Variants in ERBB4 observed in about 807,000 individuals in gnomAD.
The protein encoded by ERBB4 is receptor tyrosine-protein kinase erbB-4.
ERBB4 carries 42 observed loss-of-function variants against 158.0 expected under a neutral mutation model. That is an observed-to-expected ratio of 0.27 (90% CI 0.21 to 0.34). The LOEUF is 0.34. Ranked by LOEUF, ERBB4 falls within the 10% of genes least tolerant of loss-of-function variation. The pLI, the probability that ERBB4 is intolerant of heterozygous loss-of-function variation, is 1.00. For synonymous variants in ERBB4, 583 were observed against 558.7 expected (o/e 1.04, Z -0.61); for missense variants, 1,333 against 1,624.1 (o/e 0.82, Z 3.08).
intron 1 of ERBB4, among the ~76,000 whole-genome samples, chr2:212,369,310 G>C (rs2090003582): frequency 6.6e-6 from 1 of 152,134 alleles, no homozygotes; most frequent in South Asian, 2.1e-4. Context: ...CCCTGTGACA[G>C]GGTTCATTGC....
chr2:211,861,350 G>GTTTTTTTTTTTTTTTTTTTTTT (rs67133944), intron 3 of ERBB4, among the ~76,000 whole-genome samples: 2 of 88,952 alleles, frequency 2.2e-5, no homozygotes, highest in Non-Finnish European at 4.2e-5. Context: ...TTTTTTTTTT[G>GTTTTTTTTTTTTTTTTTTTTTT]TTTTTTTTTT....
intron 2 of ERBB4, among the ~76,000 whole-genome samples, chr2:212,006,882 T>C (rs1305919211): frequency 6.6e-6 from 1 of 152,052 alleles, no homozygotes; most frequent in Non-Finnish European, 1.5e-5. Flanking sequence ...TCCCTTTACA[T>C]TTTAACTTCA....
intron 1 of ERBB4, among the ~76,000 whole-genome samples, chr2:212,222,643 C>T (rs972565036): frequency 5.9e-5 from 9 of 151,272 alleles, no homozygotes; most frequent in Non-Finnish European, 1.3e-4. Context: ...ATTTCCCACT[C>T]TTGCTCCTTT....
chr2:212,392,533 T>A (rs1434945325), intron 1 of ERBB4, among the ~76,000 whole-genome samples: 2 of 152,050 alleles, frequency 1.3e-5, no homozygotes, highest in Non-Finnish European at 2.9e-5. Flanking sequence ...TTCTGCTAGG[T>A]AACAAAGATA....
intron 20 of ERBB4, among the ~76,000 whole-genome samples, chr2:211,506,141 A>T (rs62178827): frequency 0.096 from 14,577 of 152,074 alleles, 834 homozygotes; most frequent in Middle Eastern, 0.16. Context: ...CCATTCTTAG[A>T]CTTTAAATCA....
intron 1 of ERBB4, among the ~76,000 whole-genome samples, chr2:212,337,985 C>T (rs73070305): frequency 0.02 from 2,970 of 152,128 alleles, 104 homozygotes; most frequent in African/African-American, 0.068. Flanking sequence ...ATATTGAATG[C>T]CATTAGTAAC....
chr2:212,044,729 C>T (rs998065291), intron 2 of ERBB4, among the ~76,000 whole-genome samples: 5 of 152,146 alleles, frequency 3.3e-5, no homozygotes, highest in African/African-American at 1.2e-4. Context: ...GATCTTACTC[C>T]CATACCTCCT....
intron 1 of ERBB4, among the ~76,000 whole-genome samples, chr2:212,454,009 C>G (rs1688142326): frequency 6.6e-6 from 1 of 151,582 alleles, no homozygotes; most frequent in African/African-American, 2.4e-5. Context: ...GGTGCGATCT[C>G]AGCTCACTGC....
At chr2:211,886,542 T>C (rs1324424293) in intron 3 of ERBB4, among the ~76,000 whole-genome samples, 1 of 152,074 alleles carries the variant, frequency 6.6e-6, no homozygotes, top group Non-Finnish European at 1.5e-5. Context: ...CCACTGACTA[T>C]ATAAAGAGGC....
intron 1 of ERBB4, among the ~76,000 whole-genome samples, chr2:212,242,246 A>G (rs1048497928): frequency 5.3e-5 from 8 of 151,710 alleles, no homozygotes; most frequent in Non-Finnish European, 1.2e-4. Flanking sequence ...TTAATATTTA[A>G]AAGACATAGA....
At chr2:211,775,990 A>G (rs2075865209) in intron 4 of ERBB4, among the ~76,000 whole-genome samples, 1 of 152,206 alleles carries the variant, frequency 6.6e-6, no homozygotes, top group South Asian at 2.1e-4. Context: ...TCTATTATAG[A>G]ACAGGCTCCT....
In ERBB4 at chr2:211,571,461, G is replaced by A. The variant is rs75370231; in HGVS notation, c.2302-9373C>T. Reference sequence around the variant, plus strand: ...AAAAAATAAAATCCATTATCTTCACGTCCAAAGTATCTGTGCCCTTCCAAA... The same window carrying A: ...AAAAAATAAAATCCATTATCTTCACATCCAAAGTATCTGTGCCCTTCCAAA... On this transcript the variant is annotated intron_variant, in intron 19 of 27. Coordinates refer to ENST00000342788, the MANE Select transcript of ERBB4 (RefSeq NM_005235.3). 6.3e-3 allele frequency among the ~76,000 whole-genome samples: 963 copies of A among 152,090 alleles called. 17 individuals are homozygous for A. Among genetic ancestry groups the A allele is most frequent in the East Asian group, 0.045 (234 of 5,174 alleles).
intron 20 of ERBB4, among the ~76,000 whole-genome samples, chr2:211,464,945 G>A (rs1169402246): frequency 6.7e-6 from 1 of 148,968 alleles, no homozygotes; most frequent in Non-Finnish European, 1.5e-5. Flanking sequence ...GATAATAAGA[G>A]GCCCACTGGA....
intron 1 of ERBB4, among the ~76,000 whole-genome samples, chr2:212,483,024 C>A (rs1455543758): frequency 6.6e-6 from 1 of 152,026 alleles, no homozygotes; most frequent in Non-Finnish European, 1.5e-5. Context: ...CCATATAGTT[C>A]TGCCTTGTGA....
chr2:211,839,155 G>A (rs1427152894), intron 3 of ERBB4, among the ~76,000 whole-genome samples: 2 of 11,792 alleles, frequency 1.7e-4, no homozygotes, highest in Admixed American at 1.8e-3. Flanking sequence ...GAGAGAGAAG[G>A]AGGAGGAGGA....
intron 25 of ERBB4, among the ~76,000 whole-genome samples, 166 bp downstream of exon 25, chr2:211,420,275 T>C (rs1021017255): frequency 6.6e-6 from 1 of 152,044 alleles, no homozygotes; most frequent in Non-Finnish European, 1.5e-5. Context: ...CAAAATTAAC[T>C]ACATATAGCA....
At chr2:212,444,477 G>A (rs912945004) in intron 1 of ERBB4, among the ~76,000 whole-genome samples, 1 of 152,186 alleles carries the variant, frequency 6.6e-6, no homozygotes, top group Non-Finnish European at 1.5e-5. Context: ...TGGGGAAGAG[G>A]TATGTGGGTG....
chr2:212,342,600 C>T (rs1055494041), intron 1 of ERBB4, among the ~76,000 whole-genome samples: 2 of 152,034 alleles, frequency 1.3e-5, no homozygotes, highest in Non-Finnish European at 2.9e-5. Context: ...GAATTTTTAG[C>T]CTCACATTCA....
At chr2:212,386,049 T>A (rs557773753) in intron 1 of ERBB4, among the ~76,000 whole-genome samples, 1 of 152,060 alleles carries the variant, frequency 6.6e-6, no homozygotes, top group South Asian at 2.1e-4. Context: ...TCTCTCTGTG[T>A]CTTCCTCTCC....
Sources: gnomAD v4.1 joint callset for allele counts (sites outside exome capture counted in the v4.1 genomes callset) on GRCh38, gnomAD v4.1.1 for gene constraint, MANE v1.5 for transcripts, NCBI Gene and HGNC (gene_info 2026-07-23, HGNC 2026-07-21) for gene names.